Variants in BMAL2 observed in about 807,000 individuals in gnomAD.
The protein encoded by BMAL2 is basic helix-loop-helix ARNT like 2.
the BMAL2 span, among the ~76,000 whole-genome samples, chr12:27,361,245 C>G: frequency 3.3e-5 from 5 of 152,132 alleles, no homozygotes; most frequent in Non-Finnish European, 5.9e-5. Flanking sequence ...CAAACGGCTG[C>G]TCATTTCCCG....
the BMAL2 span, chr12:27,400,554 A>G: frequency 6.8e-6 from 11 of 1,610,822 alleles, no homozygotes; most frequent in Non-Finnish European, 9.3e-6. Flanking sequence ...ATTCTATACT[A>G]TCCATTGCAC....
chr12:27,372,814 C>T, the BMAL2 span, among the ~76,000 whole-genome samples: 5 of 152,118 alleles, frequency 3.3e-5, no homozygotes, highest in Non-Finnish European at 7.4e-5. Flanking sequence ...GCTGGGACTA[C>T]AGGCGCCCAC....
the BMAL2 span, chr12:27,400,894 A>G: frequency 1.0e-6 from 1 of 969,504 alleles, no homozygotes; most frequent in Non-Finnish European, 1.5e-6. Flanking sequence ...ACAGAAAATA[A>G]AGTTTAAATG....
the BMAL2 span, among the ~76,000 whole-genome samples, chr12:27,363,319 A>G: frequency 6.6e-6 from 1 of 152,216 alleles, no homozygotes; most frequent in Non-Finnish European, 1.5e-5. Context: ...AATACACAGT[A>G]AGAGTTTTCC....
chr12:27,351,601 C>T, the BMAL2 span, among the ~76,000 whole-genome samples: 1 of 152,316 alleles, frequency 6.6e-6, no homozygotes. Context: ...GGCCAGATAC[C>T]AGATCCCTAC....
At chr12:27,397,488 G>A in the BMAL2 span, among the ~76,000 whole-genome samples, 1 of 152,186 alleles carries the variant, frequency 6.6e-6, no homozygotes, top group Non-Finnish European at 1.5e-5. Flanking sequence ...GAAGACTAGA[G>A]AGCAGCCCTT....
the BMAL2 span, among the ~76,000 whole-genome samples, chr12:27,339,709 C>T: frequency 6.6e-6 from 1 of 151,858 alleles, no homozygotes. Flanking sequence ...ACTGCAAGCT[C>T]CGCCTCCCGG....
the BMAL2 span, chr12:27,370,341 G>C: frequency 4.0e-6 from 3 of 754,036 alleles, no homozygotes; most frequent in East Asian, 7.9e-5. Flanking sequence ...CTATCCCAGA[G>C]CTTCTCCTTC....
chr12:27,344,600 C>T, the BMAL2 span, among the ~76,000 whole-genome samples: 5 of 152,332 alleles, frequency 3.3e-5, no homozygotes, highest in Non-Finnish European at 7.3e-5. Context: ...CTCCGCTCTG[C>T]TTTTAAGACT....
chr12:27,356,271 A>T, the BMAL2 span, among the ~76,000 whole-genome samples: 2 of 152,100 alleles, frequency 1.3e-5, no homozygotes, highest in African/African-American at 4.8e-5. Context: ...CTGATTTGCT[A>T]GGAGGGAGAA....
chr12:27,395,841 C>T, the BMAL2 span, among the ~76,000 whole-genome samples: 1 of 152,176 alleles, frequency 6.6e-6, no homozygotes, highest in African/African-American at 2.4e-5. Flanking sequence ...CAGGTTCTCC[C>T]ACTAGACTCT....
chr12:27,349,424 A>G, the BMAL2 span, among the ~76,000 whole-genome samples: 6,263 of 152,286 alleles, frequency 0.041, 158 homozygotes, highest in Non-Finnish European at 0.061. Flanking sequence ...GGAAGGAAAA[A>G]TTTATATTTC....
chr12:27,370,100 G>C, the BMAL2 span: 6 of 1,540,054 alleles, frequency 3.9e-6, no homozygotes, highest in East Asian at 2.2e-5. Context: ...ATCTGGGTAG[G>C]GGGTGACCCA....
chr12:27,371,519 G>GGGT, the BMAL2 span, among the ~76,000 whole-genome samples: 1 of 152,114 alleles, frequency 6.6e-6, no homozygotes, highest in African/African-American at 2.4e-5. Context: ...ACTTAGAGGG[G>GGGT]GGTGAGCTAT....
chr12:27,419,082 G>A, the BMAL2 span, among the ~76,000 whole-genome samples: 9 of 151,948 alleles, frequency 5.9e-5, no homozygotes, highest in South Asian at 1.7e-3. Flanking sequence ...TAAAACCAAG[G>A]TATTTCTATC....
chr12:27,350,075 G>A, the BMAL2 span, among the ~76,000 whole-genome samples: 1 of 152,182 alleles, frequency 6.6e-6, no homozygotes, highest in Non-Finnish European at 1.5e-5. Flanking sequence ...CTCAGAAATT[G>A]GTATAGGTTG....
At chr12:27,352,086 C>G in the BMAL2 span, among the ~76,000 whole-genome samples, 14 of 152,260 alleles carry the variant, frequency 9.2e-5, no homozygotes, top group East Asian at 2.5e-3. Flanking sequence ...GTTTACACTG[C>G]TGAAGCATTT....
At chr12:27,420,096 G>C in the BMAL2 span, among the ~76,000 whole-genome samples, 1 of 151,616 alleles carries the variant, frequency 6.6e-6, no homozygotes, top group Non-Finnish European at 1.5e-5. Flanking sequence ...CTGAGAGTCT[G>C]TACCCTTTAG....
the BMAL2 span, among the ~76,000 whole-genome samples, chr12:27,398,228 A>G: frequency 6.6e-6 from 1 of 152,338 alleles, no homozygotes; most frequent in Admixed American, 6.5e-5. Context: ...CTAGCCTGCA[A>G]CATGTTGAGG....
Sources: gnomAD v4.1 joint callset for allele counts (sites outside exome capture counted in the v4.1 genomes callset) on GRCh38, gnomAD v4.1.1 for gene constraint, MANE v1.5 for transcripts, NCBI Gene and HGNC (gene_info 2026-07-23, HGNC 2026-07-21) for gene names.